PTPRT: variants seen among roughly 807,000 people sequenced by gnomAD.
PTPRT encodes the protein receptor-type tyrosine-protein phosphatase T.
A neutral mutation model predicts 176.8 loss-of-function variants in PTPRT; 56 were observed. That is an observed-to-expected ratio of 0.32 (90% CI 0.26 to 0.40). The LOEUF is 0.40. PTPRT is among the 10% of genes least tolerant of loss of function. The probability of loss-of-function intolerance (pLI) is 1.00; values close to 1 mark genes in which losing one functional copy is unlikely to be tolerated. For missense variants in PTPRT, 1,540 were observed against 1,908.2 expected (o/e 0.81, Z 3.60); for synonymous variants, 783 against 739.0 (o/e 1.06, Z -0.96).
At position 42,340,672 on chromosome 20, in the gene PTPRT, A is replaced by C. The variant is rs534185641; in HGVS notation, c.1865+9956T>G. Among the ~76,000 whole-genome samples the C allele has an allele frequency of 2.0e-4, 31 of 152,320 alleles. 1 individual carries two copies. The highest frequency in any genetic ancestry group is 3.8e-4 in the Non-Finnish European group (26 of 68,016). ...CTCTAACTCAGAAGAACATCAATAG[A>C]TCAGGCTATAGAAATGCACTTGATG... On this transcript the variant is annotated intron_variant, in intron 11 of 30. Coordinates refer to ENST00000373187, the MANE Select transcript of PTPRT (RefSeq NM_007050.6).
chr20:42,696,453 G>T (rs1010732824), intron 6 of PTPRT, among the ~76,000 whole-genome samples: 8 of 88,678 alleles, frequency 9.0e-5, no homozygotes, highest in Admixed American at 2.0e-4. Flanking sequence ...ATAGCCACAT[G>T]AATTATTTTT....
At chr20:42,268,041 T>A (rs918305911) in intron 13 of PTPRT, among the ~76,000 whole-genome samples, 1 of 152,190 alleles carries the variant, frequency 6.6e-6, no homozygotes, top group Middle Eastern at 3.2e-3. Context: ...CTGTCCCTGC[T>A]ACATAATGTG....
chr20:42,221,314 A>G (rs2146789926), intron 15 of PTPRT, among the ~76,000 whole-genome samples: 1 of 152,040 alleles, frequency 6.6e-6, no homozygotes, highest in South Asian at 2.1e-4. Context: ...AGTTGGTAGA[A>G]TTTTTTATTT....
chr20:42,283,322 G>A (rs2057172012), intron 12 of PTPRT, among the ~76,000 whole-genome samples: 2 of 152,244 alleles, frequency 1.3e-5, no homozygotes, highest in South Asian at 4.1e-4. Flanking sequence ...TCTGAATTCA[G>A]TGTAGCAAGG....
intron 12 of PTPRT, among the ~76,000 whole-genome samples, chr20:42,284,824 T>C (rs757072851): frequency 6.6e-6 from 1 of 151,840 alleles, no homozygotes; most frequent in Non-Finnish European, 1.5e-5. Flanking sequence ...TTTTATAAAG[T>C]AGATAATTTG....
intron 11 of PTPRT, among the ~76,000 whole-genome samples, chr20:42,324,414 G>A (rs749169257): frequency 5.3e-5 from 8 of 152,176 alleles, no homozygotes; most frequent in Non-Finnish European, 8.8e-5. Context: ...ATTTTATGGT[G>A]TGATGAAAAT....
At chr20:42,635,421 G>C (rs976713366) in intron 7 of PTPRT, among the ~76,000 whole-genome samples, 3 of 152,132 alleles carry the variant, frequency 2.0e-5, no homozygotes, top group African/African-American at 7.2e-5. Flanking sequence ...TATAGGTTAA[G>C]ATGAAATTCG....
intron 2 of PTPRT, among the ~76,000 whole-genome samples, chr20:42,804,860 C>G (rs1161970551): frequency 6.6e-6 from 1 of 152,174 alleles, no homozygotes; most frequent in Admixed American, 6.5e-5. Flanking sequence ...GAAAAAACAC[C>G]AGTCACATCG....
intron 2 of PTPRT, among the ~76,000 whole-genome samples, chr20:42,823,318 A>G (rs941846391): frequency 6.6e-6 from 1 of 152,148 alleles, no homozygotes; most frequent in African/African-American, 2.4e-5. Flanking sequence ...GTTCTCACTT[A>G]TAAGTGGGAG....
intron 1 of PTPRT, among the ~76,000 whole-genome samples, chr20:43,027,157 GAGA>G (rs1331277765): frequency 6.6e-6 from 1 of 152,122 alleles, no homozygotes; most frequent in African/African-American, 2.4e-5. Flanking sequence ...AGCTGTTGCA[GAGA>G]AGGTCTTTAA....
At chr20:43,046,954 T>C (rs547914946) in intron 1 of PTPRT, among the ~76,000 whole-genome samples, 3 of 152,196 alleles carry the variant, frequency 2.0e-5, no homozygotes, top group East Asian at 1.9e-4. Flanking sequence ...GAATCTTTCA[T>C]AGGGCGGCCA....
At chr20:42,424,055 C>A (rs1275909440) in intron 9 of PTPRT, among the ~76,000 whole-genome samples, 2 of 152,022 alleles carry the variant, frequency 1.3e-5, no homozygotes, top group Non-Finnish European at 2.9e-5. Context: ...TGACTTAGCC[C>A]CCAGTAAATC....
chr20:43,053,433 A>C (rs1987121642), intron 1 of PTPRT, among the ~76,000 whole-genome samples: 1 of 152,156 alleles, frequency 6.6e-6, no homozygotes, highest in Non-Finnish European at 1.5e-5. Flanking sequence ...GCTGATTACA[A>C]CCCATGAGTG....
At chr20:42,245,713 C>A (rs2056437298) in intron 14 of PTPRT, among the ~76,000 whole-genome samples, 1 of 152,138 alleles carries the variant, frequency 6.6e-6, no homozygotes, top group Non-Finnish European at 1.5e-5. Context: ...TCTCTTTGGA[C>A]AGTGGCAAGG....
intron 16 of PTPRT, among the ~76,000 whole-genome samples, chr20:42,184,997 T>A: frequency 6.6e-6 from 1 of 152,014 alleles, no homozygotes; most frequent in Non-Finnish European, 1.5e-5. Flanking sequence ...TGATATCCTA[T>A]CAACTCATCG....
At chr20:42,764,708 C>T (rs2076959122) in intron 5 of PTPRT, among the ~76,000 whole-genome samples, 2 of 152,192 alleles carry the variant, frequency 1.3e-5, no homozygotes, top group African/African-American at 4.8e-5. Flanking sequence ...AACAGGGCTA[C>T]AATCACATCT....
At chr20:42,652,994 C>G (rs1218962038) in intron 7 of PTPRT, among the ~76,000 whole-genome samples, 1 of 152,162 alleles carries the variant, frequency 6.6e-6, no homozygotes, top group Non-Finnish European at 1.5e-5. Context: ...TACTGGGAAC[C>G]CAGCAGATAA....
At chr20:42,880,700 G>C (rs2079000239) in intron 2 of PTPRT, among the ~76,000 whole-genome samples, 1 of 152,338 alleles carries the variant, frequency 6.6e-6, no homozygotes, top group African/African-American at 2.4e-5. Flanking sequence ...GACAGCTAGA[G>C]AGAGGGTTTG....
intron 9 of PTPRT, among the ~76,000 whole-genome samples, chr20:42,359,361 T>C (rs1292735687): frequency 6.6e-6 from 1 of 152,152 alleles, no homozygotes; most frequent in African/African-American, 2.4e-5. Context: ...TCTGAGAGAT[T>C]CTGAGTCCTG....
Sources: allele counts gnomAD v4.1 joint callset (sites outside exome capture counted in the v4.1 genomes callset), GRCh38; gene constraint gnomAD v4.1.1; transcripts MANE v1.5; gene names NCBI Gene and HGNC (gene_info 2026-07-23, HGNC 2026-07-21).